The following DENND3 variants were observed in gnomAD, a reference collection of about 807,000 sequenced individuals.
DENND3 encodes the protein DENN domain containing 3.
A neutral mutation model predicts 135.1 loss-of-function variants in DENND3; 88 were observed. That is an observed-to-expected ratio of 0.65 (90% CI 0.55 to 0.78). The LOEUF (loss-of-function observed/expected upper bound fraction) is 0.78. Ranked by LOEUF, DENND3 falls within the 30% of genes least tolerant of loss-of-function variation. The pLI is 0.00. For synonymous variants in DENND3, 693 were observed against 712.3 expected, an observed-to-expected ratio of 0.97 and a Z score of 0.43; for missense variants, 1,392 against 1,688.4, an observed-to-expected ratio of 0.82 and a Z score of 3.08.
rs1589680183 is a variant in DENND3, at chr8:141,177,028, C to G, written c.2706+267C>G. On this transcript the variant is annotated intron_variant, in intron 15 of 22. Coordinates refer to ENST00000519811, the MANE Select transcript of DENND3 (RefSeq NM_001352890.3). Reference sequence around the variant, plus strand: ...AGGTGTGGGTGCCCCACTGCCCGCTCCAGACTGGCGACATCCCAGAGAGTG... The same window carrying G: ...AGGTGTGGGTGCCCCACTGCCCGCTGCAGACTGGCGACATCCCAGAGAGTG... 1.8e-5 allele frequency: 8 copies of G among 432,786 alleles called. No homozygotes were observed. In the East Asian group the frequency reaches 3.4e-4, roughly 18 times the overall value. The allele number at this position is 432,786 out of a possible 1,614,324, so 26.8% of individuals were successfully genotyped here.
At chr8:141,170,951 TTC>T (rs995068625) in intron 13 of DENND3, among the ~76,000 whole-genome samples, 1 of 151,990 alleles carries the variant, frequency 6.6e-6, no homozygotes, top group African/African-American at 2.4e-5. Flanking sequence ...ACACAGTGCC[TTC>T]TGTTTCCTCT....
At chr8:141,143,503 C>G (rs920234432) in intron 4 of DENND3, among the ~76,000 whole-genome samples, 1 of 152,158 alleles carries the variant, frequency 6.6e-6, no homozygotes, top group African/African-American at 2.4e-5. Context: ...CTCCCGGGCT[C>G]AAGTGATCCT....
chr8:141,158,050 G>A (rs1168037289), intron 8 of DENND3: 14 of 1,193,962 alleles, frequency 1.2e-5, no homozygotes, highest in Non-Finnish European at 8.5e-6. Context: ...GTGAGCCACC[G>A]CGCCCAGTCG....
At chr8:141,183,917 C>G (rs1164642132) in intron 17 of DENND3, among the ~76,000 whole-genome samples, 1 of 152,168 alleles carries the variant, frequency 6.6e-6, no homozygotes, top group African/African-American at 2.4e-5. Flanking sequence ...AGCGTGCTTT[C>G]CGCCAGGGGT....
intron 13 of DENND3, chr8:141,173,843 CCTCT>C (rs1354962006): frequency 2.0e-5 from 3 of 152,352 alleles, no homozygotes; most frequent in Non-Finnish European, 4.4e-5. Flanking sequence ...AAAGGGCTTT[CCTCT>C]CTGTGTCTCA....
chr8:141,190,212 C>T, intron 19 of DENND3, 72 bp from the exon 20 acceptor site: 2 of 1,452,252 alleles, frequency 1.4e-6, no homozygotes. Flanking sequence ...TTGGTTCTCT[C>T]TTGGGTTAAA....
At position 141,192,379 on chromosome 8, in the gene DENND3, A is replaced by C; in HGVS notation, c.3428A>C (p.Gln1143Pro). ...MVMKMNGSLH[Q>P]ELKIEENFKD... is the part of the protein sequence containing the mutation. ...ATGAAAATGAATGGATCCCTCCATC[A>C]AGAATTGAAGATTGAGGAGAACTTC... is the stretch of plus-strand genomic sequence containing the variant. The change falls in exon 21 of 23, where the codon CAA (glutamine) becomes CCA (proline). Residue 1143 changes from glutamine to proline, a missense_variant. Physicochemically the swap from Gln to Pro is moderately conservative, Grantham distance 76. Coordinates refer to ENST00000519811, the MANE Select transcript of DENND3 (RefSeq NM_001352890.3). The C allele has an allele frequency of 6.2e-7, 1 of 1,614,250 alleles. No homozygotes were observed. Among genetic ancestry groups the C allele is most frequent in the Non-Finnish European group, 8.5e-7 (1 of 1,180,036 alleles).
At position 141,185,136 on chromosome 8, in the gene DENND3, T is replaced by G; in HGVS notation, c.2945-3T>G. ...AACAGTTTTGTGCTGCTCTCCTCTT[T>G]AGGGCATCTTGACCCAGCCGAAAAA... On this transcript the variant is annotated splice_region_variant and splice_polypyrimidine_tract_variant and intron_variant, in intron 17 of 22. Transcript: ENST00000519811. The G allele has an allele frequency of 1.2e-6, 2 of 1,613,120 alleles. No homozygotes were observed. The highest frequency in any genetic ancestry group is 1.7e-6 in the Non-Finnish European group (2 of 1,179,258).
chr8:141,136,825 C>A, intron 2 of DENND3, 34 bp downstream of exon 2: 1 of 1,504,320 alleles, frequency 6.6e-7, no homozygotes, highest in East Asian at 2.4e-5. Context: ...CTGGGCGCCT[C>A]CTGCTGCCGG....
chr8:141,137,601 C>G lies in DENND3; in HGVS notation c.386-421C>G, dbSNP rs1196350216. Among the ~76,000 whole-genome samples the G allele has an allele frequency of 2.0e-5, 3 of 152,210 alleles. No individual in the cohort carries two copies. Among genetic ancestry groups the G allele is most frequent in the African/African-American group, 7.2e-5 (3 of 41,462 alleles). On this transcript the variant is annotated intron_variant, in intron 2 of 22. Transcript: ENST00000519811. The surrounding 1 kb of genome is among the most constrained non-coding windows in gnomAD (Gnocchi z 4.1). The stretch of plus-strand genomic sequence containing the variant: ...CCCCAGGCTCGCCAGTTCCAGTTAA[C>G]AGGTGAGCTTGCATTTTGGGGCGTT...
intron 5 of DENND3, among the ~76,000 whole-genome samples, chr8:141,148,296 G>T (rs1818395223): frequency 6.6e-6 from 1 of 152,166 alleles, no homozygotes; most frequent in African/African-American, 2.4e-5. Context: ...ACAGAGCCAT[G>T]CCCTGTGCCT....
intron 17 of DENND3, among the ~76,000 whole-genome samples, chr8:141,183,010 T>C (rs1823371392): frequency 6.6e-6 from 1 of 152,138 alleles, no homozygotes; most frequent in African/African-American, 2.4e-5. Flanking sequence ...CGCTTGAATA[T>C]CCTCAGGGGA....
chr8:141,151,583 A>G, intron 6 of DENND3, 36 bp from the exon 7 acceptor site: 1 of 1,573,706 alleles, frequency 6.4e-7, no homozygotes, highest in Non-Finnish European at 8.7e-7. Flanking sequence ...TTTTTTTTTA[A>G]AAGCATGTAC....
rs1057312930 is a variant in DENND3 at position 141,169,832 on chromosome 8, G to A, written c.2275+1307G>A. Among the ~76,000 whole-genome samples the A allele has an allele frequency of 3.9e-5, 6 of 152,234 alleles. 1 individual carries two copies. The highest frequency in any genetic ancestry group is 4.1e-4 in the South Asian group (2 of 4,838). ...GACGTATCTGTGTTGCTCCACATCC[G>A]TTGGGTTCATTCACTTCAACCACTG... On this transcript the variant is annotated intron_variant, in intron 13 of 22. Coordinates refer to ENST00000519811, the MANE Select transcript of DENND3 (RefSeq NM_001352890.3).
intron 13 of DENND3, among the ~76,000 whole-genome samples, chr8:141,169,696 A>G (rs1480217001): frequency 1.3e-5 from 2 of 152,206 alleles, no homozygotes; most frequent in African/African-American, 4.8e-5. Flanking sequence ...AAATGGATGC[A>G]CCTGACGCGG....
rs372548081 is a variant in DENND3 at position 141,141,807 on chromosome 8, C to CTT, written c.623+484_623+485insTT. The stretch of plus-strand genomic sequence containing the variant: ...CCTGTAATCCCAGCATATTGGGAGA[C>CTT]TAAGATGGGAGGACTGCTTGAGCCG... On this transcript the variant is annotated intron_variant, in intron 4 of 22. Transcript: ENST00000519811. The surrounding 1 kb of genome is among the most constrained non-coding windows in gnomAD (Gnocchi z 5.3). 3.5e-3 allele frequency: 679 copies of CTT among 192,882 alleles called. 2 individuals are homozygous for CTT. Among genetic ancestry groups the CTT allele is most frequent in the African/African-American group, 0.015 (652 of 42,084 alleles). The allele number at this position is 192,882 out of a possible 1,614,324, so 11.9% of individuals were successfully genotyped here. A position where few individuals can be genotyped will look rare whatever the true frequency, so the allele number is the denominator to read the frequency against.
At chr8:141,129,057 GAC>G (rs1406190754) in intron 1 of DENND3, among the ~76,000 whole-genome samples, 3 of 152,250 alleles carry the variant, frequency 2.0e-5, no homozygotes, top group Non-Finnish European at 4.4e-5. Flanking sequence ...CTTGGTGTGA[GAC>G]ATGTCTTTTG....
At chr8:141,193,329 C>T (rs1825028224) in intron 22 of DENND3, 2 of 155,190 alleles carry the variant, frequency 1.3e-5, no homozygotes, top group African/African-American at 2.4e-5. Flanking sequence ...ATCACTACAT[C>T]CCCCGAAGTC....
chr8:141,150,846 A>G lies in DENND3; in HGVS notation c.748A>G (p.Lys250Glu). 6.2e-7 allele frequency: 1 copy of G among 1,601,606 alleles called. No homozygotes were observed. Among genetic ancestry groups the G allele is most frequent in the East Asian group, 2.3e-5 (1 of 44,150 alleles). ...PGPLHLVFNMKSLQIVLPARA... is the reference protein window; with the variant it reads ...PGPLHLVFNMESLQIVLPARA... The stretch of plus-strand genomic sequence containing the variant: ...CTGGTTGTCGTAGGTATTTAACATG[A>G]AGTCGCTCCAGATTGTGTTACCTGC... Residue 250 changes from lysine to glutamate, a missense_variant, in exon 6 of 23, where the codon AAG becomes GAG. By Grantham distance (56) the Lys-to-Glu change is moderately conservative (BLOSUM62 1). Transcript: ENST00000519811.
Sources: gnomAD v4.1 joint callset for allele counts (sites outside exome capture counted in the v4.1 genomes callset) on GRCh38, gnomAD v4.1.1 for gene constraint, Gnocchi (gnomAD v3.1) non-coding constraint, MANE v1.5 for transcripts, NCBI Gene and HGNC (gene_info 2026-07-23, HGNC 2026-07-21) for gene names.